Variants in NLGN4Y observed in about 807,000 individuals in gnomAD.
NLGN4Y encodes neuroligin 4 Y-linked.
In NLGN4Y, 4 loss-of-function variants were observed where a neutral mutation model predicts 8.4. The ratio of observed to expected loss-of-function variants is 0.48; its 90% CI spans 0.23 to 1.09. The LOEUF (loss-of-function observed/expected upper bound fraction) is 1.09, where lower values mean the gene tolerates loss of function less well. Ranked by LOEUF, NLGN4Y falls within the 50% of genes least tolerant of loss-of-function variation. The pLI is 0.19. For synonymous variants in NLGN4Y, 35 were observed against 75.6 expected (o/e 0.46, Z 2.78); for missense variants, 90 against 192.3 (o/e 0.47, Z 3.15).
At chrY:14,631,534 G>A in intron 2 of NLGN4Y, among the ~76,000 whole-genome samples, 3 of 34,164 alleles carry the variant, frequency 8.8e-5, no homozygotes, top group Non-Finnish European at 1.5e-4. Flanking sequence ...GGTTAATATA[G>A]CCCCAAGGCA....
At chrY:14,755,218 T>A in intron 4 of NLGN4Y, among the ~76,000 whole-genome samples, 3 of 33,744 alleles carry the variant, frequency 8.9e-5, no homozygotes, top group African/African-American at 3.5e-4. Context: ...TGATCCTCTT[T>A]AAGTTTTGTG....
At chrY:14,665,131 T>G (rs112660130) in intron 2 of NLGN4Y, among the ~76,000 whole-genome samples, 145 of 33,959 alleles carry the variant, frequency 4.3e-3, no homozygotes, top group African/African-American at 0.015. Flanking sequence ...CATTAACCTG[T>G]AGTTACTTGT....
At chrY:14,738,417 G>A (rs779557298) in intron 4 of NLGN4Y, among the ~76,000 whole-genome samples, 1 of 32,630 alleles carries the variant, frequency 3.1e-5, no homozygotes, top group East Asian at 8.1e-4. Flanking sequence ...GGATATCATT[G>A]GAATCCCATT....
At chrY:14,757,157 G>C in intron 4 of NLGN4Y, among the ~76,000 whole-genome samples, 1 of 29,778 alleles carries the variant, frequency 3.4e-5, no homozygotes. Context: ...TCCTTTTTTA[G>C]TTTTTGTGTG....
intron 4 of NLGN4Y, among the ~76,000 whole-genome samples, chrY:14,776,349 A>G: frequency 3.3e-5 from 1 of 30,707 alleles, no homozygotes; most frequent in South Asian, 6.8e-4. Context: ...CAGATTAGCT[A>G]TATATAACAT....
At chrY:14,639,310 G>A (rs2080580423) in intron 2 of NLGN4Y, 1 of 181,172 alleles carries the variant, frequency 5.5e-6, no homozygotes, top group African/African-American at 8.4e-5. Context: ...CCTGCAGCTT[G>A]CAAAGGCAAA....
intron 1 of NLGN4Y, among the ~76,000 whole-genome samples, chrY:14,553,370 G>A: frequency 3.1e-5 from 1 of 32,685 alleles, no homozygotes; most frequent in Non-Finnish European, 7.5e-5. Context: ...TAGAATCAAT[G>A]CTATCCCCAT....
chrY:14,761,456 T>C, intron 4 of NLGN4Y, among the ~76,000 whole-genome samples: 2 of 33,787 alleles, frequency 5.9e-5, no homozygotes, highest in Non-Finnish European at 7.4e-5. Flanking sequence ...GAGTTGGGTC[T>C]CCAAAGAAAG....
At chrY:14,695,345 T>C in intron 2 of NLGN4Y, among the ~76,000 whole-genome samples, 1 of 33,617 alleles carries the variant, frequency 3.0e-5, no homozygotes, top group Non-Finnish European at 7.4e-5. Flanking sequence ...GCATCAGTTC[T>C]AAATATAACC....
At chrY:14,540,184 C>A (rs2080145555) in intron 1 of NLGN4Y, among the ~76,000 whole-genome samples, 2 of 31,115 alleles carry the variant, frequency 6.4e-5, no homozygotes, top group African/African-American at 2.6e-4. Flanking sequence ...AGTTTTACCC[C>A]CACAGTTGTA....
intron 4 of NLGN4Y, among the ~76,000 whole-genome samples, chrY:14,746,299 T>A: frequency 3.0e-5 from 1 of 33,544 alleles, no homozygotes; most frequent in South Asian, 6.7e-4. Flanking sequence ...TCTTTGACCC[T>A]CACATGGTTT....
At position 14,842,657 on chromosome Y, in the gene NLGN4Y, G is replaced by A. The variant is rs369178477; in HGVS notation, c.*1395G>A. Reference sequence around the variant, plus strand: ...TGCTTGTCTGAAAATATCACCTTTTGTGGATTTATCTGATCACCAAATAAT... The same window carrying A: ...TGCTTGTCTGAAAATATCACCTTTTATGGATTTATCTGATCACCAAATAAT... On this transcript the variant is annotated 3_prime_UTR_variant, in exon 7 of 7. Coordinates refer to ENST00000684976, the MANE Select transcript of NLGN4Y (RefSeq NM_001365588.1). 46 of 120,412 alleles carry A rather than the reference G, an allele frequency of 3.8e-4. No homozygotes were observed. The East Asian group carries it at 4.9e-3, about 13-fold the overall frequency. The allele number at this position is 120,412 out of a possible 400,897, so 30.0% of individuals were successfully genotyped here. A position where few individuals can be genotyped will look rare whatever the true frequency, so the allele number is the denominator to read the frequency against.
At chrY:14,709,059 T>C in intron 2 of NLGN4Y, among the ~76,000 whole-genome samples, 3 of 33,260 alleles carry the variant, frequency 9.0e-5, no homozygotes, top group Non-Finnish European at 2.2e-4. Flanking sequence ...CAAGTTCTCT[T>C]ACAGTGAAAG....
chrY:14,787,620 T>C (rs754076955), intron 4 of NLGN4Y, among the ~76,000 whole-genome samples: 114 of 33,472 alleles, frequency 3.4e-3, no homozygotes, highest in African/African-American at 0.012. Context: ...TGAAATTTCA[T>C]GTCCAAGCCA....
At chrY:14,785,916 A>G (rs756728082) in intron 4 of NLGN4Y, among the ~76,000 whole-genome samples, 2 of 33,442 alleles carry the variant, frequency 6.0e-5, no homozygotes, top group Non-Finnish European at 7.4e-5. Context: ...TAAAAACGGA[A>G]CCAAAAAGAA....
chrY:14,729,451 G>T, intron 4 of NLGN4Y, among the ~76,000 whole-genome samples: 1 of 33,288 alleles, frequency 3.0e-5, no homozygotes, highest in Non-Finnish European at 7.4e-5. Context: ...ATTACTGAAT[G>T]GCGTCAAACA....
chrY:14,640,072 G>A lies in NLGN4Y; in HGVS notation c.472+17481G>A. On this transcript the variant is annotated intron_variant, in intron 2 of 6. Coordinates refer to ENST00000684976, the MANE Select transcript of NLGN4Y (RefSeq NM_001365588.1). ...CAGAAAAATCAGCTTGACCTGCCAA[G>A]CGAAGAAGATTTTATGAACATCTGA... is the stretch of plus-strand genomic sequence containing the variant. The A allele has an allele frequency of 2.5e-5, 3 of 121,757 alleles. No individual in the cohort carries two copies. In the Admixed American group the frequency reaches 3.2e-4, roughly 13 times the overall value. 30.4% of individuals were successfully genotyped at this position (121,757 alleles called of 400,897 possible). A position where few individuals can be genotyped will look rare whatever the true frequency, so the allele number is the denominator to read the frequency against.
At position 14,842,747 on chromosome Y, in the gene NLGN4Y, G is replaced by A. The variant is rs2043230412; in HGVS notation, c.*1485G>A. Reference sequence around the variant, plus strand: ...AAACTGCTTTGCATAGGTTTTTGGGGAAATTAGGATATCTTCACTGACAAG... The same window carrying A: ...AAACTGCTTTGCATAGGTTTTTGGGAAAATTAGGATATCTTCACTGACAAG... On this transcript the variant is annotated 3_prime_UTR_variant, in exon 7 of 7. Coordinates refer to ENST00000684976, the MANE Select transcript of NLGN4Y (RefSeq NM_001365588.1). 8.3e-6 allele frequency: 1 copy of A among 119,868 alleles called. No individual in the cohort carries two copies. The highest frequency in any genetic ancestry group is 9.6e-5 in the African/African-American group (1 of 10,394). 29.9% of individuals were successfully genotyped at this position (119,868 alleles called of 400,897 possible).
chrY:14,707,463 T>G (rs1053624543), intron 2 of NLGN4Y, among the ~76,000 whole-genome samples: 1 of 31,359 alleles, frequency 3.2e-5, no homozygotes, highest in Non-Finnish European at 7.7e-5. Context: ...CATCTTTGGG[T>G]GTATTAGATT....
Sources: allele counts gnomAD v4.1 joint callset (sites outside exome capture counted in the v4.1 genomes callset), GRCh38; gene constraint gnomAD v4.1.1; transcripts MANE v1.5; gene names NCBI Gene and HGNC (gene_info 2026-07-23, HGNC 2026-07-21).